PRELID2: variants seen among roughly 807,000 people sequenced by gnomAD.
PRELID2 encodes the protein PRELI domain containing 2.
In PRELID2, 25 loss-of-function variants were observed where a neutral mutation model predicts 28.4. The observed-to-expected ratio is 0.88, with a 90% CI of 0.64 to 1.23. The LOEUF (loss-of-function observed/expected upper bound fraction) is 1.23, where lower values mean the gene tolerates loss of function less well. Among genes scored for constraint, PRELID2 ranks in the 50% most tolerant of loss-of-function variants. PRELID2 has a pLI of 0.00. For synonymous variants in PRELID2, 76 were observed against 71.6 expected (o/e 1.06, Z -0.31); for missense variants, 201 against 214.4 (o/e 0.94, Z 0.39).
intron 1 of PRELID2, among the ~76,000 whole-genome samples, chr5:145,653,239 G>T (rs1754331418): frequency 6.6e-6 from 1 of 152,140 alleles, no homozygotes; most frequent in African/African-American, 2.4e-5. Context: ...GGAGCACCCA[G>T]ATTTATAAAG....
chr5:145,697,060 TA>T (rs1561547571), intron 1 of PRELID2, among the ~76,000 whole-genome samples: 2 of 120,984 alleles, frequency 1.7e-5, no homozygotes, highest in Middle Eastern at 3.4e-3. Flanking sequence ...TATATATATA[TA>T]TATATATATA....
chr5:145,475,171 C>A (rs1007545970), intron 1 of PRELID2, among the ~76,000 whole-genome samples: 1 of 152,104 alleles, frequency 6.6e-6, no homozygotes, highest in Non-Finnish European at 1.5e-5. Context: ...TTTACGAACA[C>A]TTGTTGAATG....
chr5:145,770,721 CA>C (rs1322971839), intron 5 of PRELID2, among the ~76,000 whole-genome samples: 1 of 151,614 alleles, frequency 6.6e-6, no homozygotes, highest in African/African-American at 2.4e-5. Flanking sequence ...TTGCTTTTAA[CA>C]AAAAAGTTCA....
At chr5:145,405,068 A>T in the PRELID2 span, among the ~76,000 whole-genome samples, 169 of 152,314 alleles carry the variant, frequency 1.1e-3, 1 homozygote, top group African/African-American at 3.8e-3. Flanking sequence ...TAAAATAAAA[A>T]AACTTCAAGT....
chr5:145,360,057 A>G, the PRELID2 span, among the ~76,000 whole-genome samples: 1 of 152,218 alleles, frequency 6.6e-6, no homozygotes, highest in Non-Finnish European at 1.5e-5. Context: ...GGCAGGTGCC[A>G]TAAGTATCAC....
the PRELID2 span, chr5:145,229,317 A>G: frequency 1.3e-6 from 1 of 744,584 alleles, no homozygotes; most frequent in Non-Finnish European, 2.5e-6. Context: ...GCAAAGCAAC[A>G]CGGGATTCCC....
At chr5:145,245,438 C>A in the PRELID2 span, among the ~76,000 whole-genome samples, 1 of 147,972 alleles carries the variant, frequency 6.8e-6, no homozygotes, top group Non-Finnish European at 1.5e-5. Context: ...AGAGAGAGAG[C>A]ACATTAATAT....
the PRELID2 span, among the ~76,000 whole-genome samples, chr5:145,382,581 G>T: frequency 6.6e-6 from 1 of 151,998 alleles, no homozygotes; most frequent in South Asian, 2.1e-4. Context: ...TCAAGTAAAA[G>T]TGTGAATATT....
the PRELID2 span, among the ~76,000 whole-genome samples, chr5:145,452,525 T>C: frequency 3.3e-5 from 5 of 152,280 alleles, no homozygotes; most frequent in East Asian, 9.7e-4. Context: ...CATATTAGCT[T>C]CCCAGTTTTT....
intron 1 of PRELID2, among the ~76,000 whole-genome samples, chr5:145,556,351 T>G (rs1752880120): frequency 6.6e-6 from 1 of 152,200 alleles, no homozygotes; most frequent in African/African-American, 2.4e-5. Flanking sequence ...AGGGAATCAC[T>G]TTCTGGCTAG....
rs144123108 is a variant in PRELID2, at chr5:145,607,764, G to A, written n.71-134449C>T. Among the ~76,000 whole-genome samples the A allele has an allele frequency of 8.7e-3, 1,324 of 152,150 alleles. 27 individuals are homozygous for A. Among genetic ancestry groups the A allele is most frequent in the African/African-American group, 0.03 (1,254 of 41,520 alleles). The stretch of plus-strand genomic sequence containing the variant: ...ATGTATATGTCTGTTAGGCCTATTT[G>A]GTCAAATGTCAAGTTCAGGTCCTGA... On this transcript the variant is annotated intron_variant and non_coding_transcript_variant, in intron 1 of 2. Coordinates refer to the PRELID2 transcript ENST00000510259.
chr5:145,334,397 C>T, the PRELID2 span, among the ~76,000 whole-genome samples: 465 of 152,286 alleles, frequency 3.1e-3, 1 homozygote, highest in African/African-American at 0.011. Context: ...TCACAATTTA[C>T]ATCTATTTAT....
At chr5:145,418,457 T>C in the PRELID2 span, among the ~76,000 whole-genome samples, 285 of 152,164 alleles carry the variant, frequency 1.9e-3, no homozygotes, top group Non-Finnish European at 3.4e-3. Context: ...AAAATAAAAC[T>C]GGAGGCATCA....
intron 1 of PRELID2, among the ~76,000 whole-genome samples, chr5:145,680,817 A>AT (rs141029666): frequency 6.6e-6 from 1 of 151,998 alleles, no homozygotes; most frequent in Non-Finnish European, 1.5e-5. Flanking sequence ...GAAAAAAAAA[A>AT]GCGTATAACA....
intron 1 of PRELID2, among the ~76,000 whole-genome samples, chr5:145,647,437 G>A (rs1393841237): frequency 6.6e-6 from 1 of 152,212 alleles, no homozygotes; most frequent in Non-Finnish European, 1.5e-5. Flanking sequence ...TTTCAAGCCA[G>A]TGGATCTTAG....
At chr5:145,448,324 T>TC in the PRELID2 span, among the ~76,000 whole-genome samples, 1 of 152,028 alleles carries the variant, frequency 6.6e-6, no homozygotes, top group African/African-American at 2.4e-5. Flanking sequence ...GGGTTGTTTG[T>TC]TTTTTTCTTG....
At chr5:145,557,277 A>T (rs2126688131) in intron 1 of PRELID2, among the ~76,000 whole-genome samples, 1 of 152,372 alleles carries the variant, frequency 6.6e-6, no homozygotes, top group Non-Finnish European at 1.5e-5. Flanking sequence ...AAAGTAGAAG[A>T]TGGAAAAGTC....
the PRELID2 span, among the ~76,000 whole-genome samples, chr5:145,261,876 C>T: frequency 6.6e-6 from 1 of 152,006 alleles, no homozygotes; most frequent in Non-Finnish European, 1.5e-5. Context: ...TCAGAAAGTC[C>T]ATTATTAAGC....
At chr5:145,415,524 T>C in the PRELID2 span, among the ~76,000 whole-genome samples, 4 of 141,960 alleles carry the variant, frequency 2.8e-5, no homozygotes, top group East Asian at 9.0e-4. Context: ...AGCGAGAACA[T>C]GCAGTGTTTG....
Sources: gnomAD v4.1 joint callset for allele counts (sites outside exome capture counted in the v4.1 genomes callset) on GRCh38, gnomAD v4.1.1 for gene constraint, MANE v1.5 for transcripts, NCBI Gene and HGNC (gene_info 2026-07-23, HGNC 2026-07-21) for gene names.